The following CLCNKB variants were observed in gnomAD, a reference collection of about 807,000 sequenced individuals.
CLCNKB encodes chloride voltage-gated channel Kb, also known as chloride channel protein ClC-Kb.
CLCNKB carries 74 observed loss-of-function variants against 83.8 expected under a neutral mutation model. The observed-to-expected ratio is 0.88, with a 90% confidence interval of 0.73 to 1.07. The LOEUF (loss-of-function observed/expected upper bound fraction) is 1.07. Ranked by LOEUF, CLCNKB falls within the 50% of genes least tolerant of loss-of-function variation. The pLI is 0.00. For missense variants in CLCNKB, 798 were observed against 893.6 expected, an observed-to-expected ratio of 0.89 and a Z score of 1.36; for synonymous variants, 358 against 356.6, an observed-to-expected ratio of 1.00 and a Z score of -0.04.
rs1182244458 is a variant in CLCNKB at position 16,053,750 on chromosome 1, G to C, written c.1734G>C (p.Lys578Asn). ...VKVVTSTDVAKYPLVESTESQ... is the reference protein window; with the variant it reads ...VKVVTSTDVANYPLVESTESQ... ...TTGTGACCTCCACAGACGTGGCCAA[G>C]TATCCCCTGGTGGAGAGCACAGGTG... Residue 578 changes from lysine to asparagine, a missense_variant, in exon 16 of 20, where the codon AAG (lysine) becomes AAC (asparagine). By Grantham distance (94) the Lys-to-Asn change is moderately conservative. Coordinates refer to ENST00000375679, the MANE Select transcript of CLCNKB (RefSeq NM_000085.5). 6.2e-7 allele frequency: 1 copy of C among 1,613,770 alleles called. No homozygotes were observed. The highest frequency in any genetic ancestry group is 2.2e-5 in the East Asian group (1 of 44,880).
In CLCNKB at chr1:16,049,135, T is replaced by C; in HGVS notation, c.671T>C (p.Ile224Thr). 1 of 1,613,538 alleles carries C rather than the reference T, an allele frequency of 6.2e-7. No homozygotes were observed. Reference protein sequence around the residue: ...AAPFSGVLFSIEVMSSHFSVW... With the variant: ...AAPFSGVLFSTEVMSSHFSVW... ...TCGCCCCCAGGCGTCCTGTTCAGCA[T>C]CGAGGTCATGTCTTCCCACTTCTCT... Residue 224 changes from isoleucine to threonine, a missense_variant, in exon 8 of 20, where the codon ATC becomes ACC. Ile to Thr is a moderately conservative substitution (Grantham distance 89). Transcript: ENST00000375679.
chr1:16,049,465 G>A (rs1348405934), intron 8 of CLCNKB, among the ~76,000 whole-genome samples, 153 bp from the exon 9 acceptor site: 2 of 152,160 alleles, frequency 1.3e-5, no homozygotes, highest in South Asian at 2.1e-4. Context: ...GCTGGGCAGG[G>A]AGGCAGGAGC....
At chr1:16,046,699 C>T (rs1275000402) in intron 4 of CLCNKB, 36 bp downstream of exon 4, 3 of 1,537,364 alleles carry the variant, frequency 2.0e-6, no homozygotes. Flanking sequence ...CCCCACTGGC[C>T]AAAACCTTCT....
At position 16,050,887 on chromosome 1, in the gene CLCNKB, C is replaced by T; in HGVS notation, c.1066C>T (p.Gln356Ter). 1.2e-6 allele frequency: 2 copies of T among 1,612,114 alleles called. No homozygotes were observed. The highest frequency in any genetic ancestry group is 1.1e-5 in the South Asian group (1 of 91,008). ...RFLASRLSMK[Q>*]HLDSLFDNHS... ...TGCCCCGCCACAGCTGTCCATGAAG[C>T]AGCATCTGGACTCGCTGTTCGACAA... The change falls in exon 12 of 20, where the codon CAG becomes TAG. Residue 356 changes from glutamine (Q) to a stop codon, truncating the protein, a stop_gained. Coordinates refer to ENST00000375679, the MANE Select transcript of CLCNKB (RefSeq NM_000085.5). LOFTEE classifies it high-confidence loss of function.
At chr1:16,049,777 G>T in intron 9 of CLCNKB, 38 bp from the exon 10 acceptor site, 1 of 1,613,632 alleles carries the variant, frequency 6.2e-7, no homozygotes, top group Non-Finnish European at 8.5e-7. Context: ...CCCTGGTACT[G>T]GGGTCGGGCT....
intron 16 of CLCNKB, among the ~76,000 whole-genome samples, chr1:16,054,943 A>T (rs1478925194): frequency 3.3e-5 from 5 of 152,148 alleles, no homozygotes; most frequent in Non-Finnish European, 7.4e-5. Flanking sequence ...TCAAAACTAA[A>T]TATCCGACAA....
intron 18 of CLCNKB, among the ~76,000 whole-genome samples, chr1:16,056,081 C>T (rs1160654828): frequency 6.6e-6 from 1 of 152,212 alleles, no homozygotes; most frequent in Non-Finnish European, 1.5e-5. Flanking sequence ...CGCATTCTCC[C>T]TGTGTGATCT....
Position 16,048,759 on chromosome 1 carries a change from T to A in CLCNKB, c.655+177T>A, listed in dbSNP as rs959795929. On this transcript the variant is annotated intron_variant, in intron 7 of 19. Transcript: ENST00000375679. ...ACCGGGGGGAGGGGGGGCGGGTGAC[T>A]TGATTGGCGGTGCTAAGAGGCTTCA... The A allele has an allele frequency of 2.7e-6, 4 of 1,473,308 alleles. No individual in the cohort carries two copies. In the African/African-American group the frequency reaches 4.3e-5, roughly 16 times the overall value. The allele number at this position is 1,473,308 out of a possible 1,614,324, so 91.3% of individuals were successfully genotyped here.
At chr1:16,054,134 A>G (rs868030385) in intron 16 of CLCNKB, among the ~76,000 whole-genome samples, 2 of 152,170 alleles carry the variant, frequency 1.3e-5, no homozygotes, top group Non-Finnish European at 2.9e-5. Context: ...CCTTGTTGCC[A>G]CAAGGAAAAC....
At chr1:16,048,960 C>T (rs1162246675) in intron 7 of CLCNKB, 160 bp from the exon 8 acceptor site, 8 of 1,517,596 alleles carry the variant, frequency 5.3e-6, no homozygotes, top group Non-Finnish European at 4.4e-6. Context: ...GGCTCCTCCC[C>T]GCCCAGGGCG....
chr1:16,046,445 C>T lies in CLCNKB; in HGVS notation c.230-90C>T, dbSNP rs1362979882. ...CCTGGTCCTCCCCTCTTCGTGACTC[C>T]ATTTCCTGGTCAGTAAGTGGGCACC... On this transcript the variant is annotated intron_variant, in intron 3 of 19. Transcript: ENST00000375679. 44 of 1,575,196 alleles carry T rather than the reference C, an allele frequency of 2.8e-5. No individual in the cohort carries two copies. In the Admixed American group the frequency reaches 3.6e-4, roughly 13 times the overall value.
At chr1:16,056,107 A>G (rs9442196) in intron 18 of CLCNKB, among the ~76,000 whole-genome samples, 111,054 of 152,056 alleles carry the variant, frequency 0.73, 41,293 homozygotes, top group South Asian at 0.84. Flanking sequence ...AAACGACTTA[A>G]CCACTCAGGA....
At chr1:16,045,783 G>GT (rs1333865748) in intron 3 of CLCNKB, 97 bp downstream of exon 3, 1 of 1,259,604 alleles carries the variant, frequency 7.9e-7, no homozygotes, top group East Asian at 2.8e-5. Context: ...GGAGGTTGGG[G>GT]GGGGTGCTCT....
intron 11 of CLCNKB, 81 bp downstream of exon 11, chr1:16,050,681 C>T: frequency 6.6e-7 from 1 of 1,515,792 alleles, no homozygotes; most frequent in Non-Finnish European, 9.1e-7. Context: ...TTAATCCCCC[C>T]AATACCCCAT....
At chr1:16,051,583 G>A in intron 13 of CLCNKB, 36 bp downstream of exon 13, 2 of 1,612,888 alleles carry the variant, frequency 1.2e-6, no homozygotes, top group Non-Finnish European at 1.7e-6. Flanking sequence ...AGAGTTTCGG[G>A]GTTCTTGGGG....
At chr1:16,055,809 A>C in intron 18 of CLCNKB, 51 bp downstream of exon 18, 1 of 1,545,736 alleles carries the variant, frequency 6.5e-7, no homozygotes, top group Non-Finnish European at 8.9e-7. Flanking sequence ...GGGTGGGGGA[A>C]GAGCTGATGA....
intron 15 of CLCNKB, 99 bp downstream of exon 15, chr1:16,052,510 C>A: frequency 1.5e-6 from 2 of 1,319,922 alleles, no homozygotes; most frequent in Non-Finnish European, 2.1e-6. Context: ...CCGTAGCTGA[C>A]CTCGGACATG....
In CLCNKB at chr1:16,052,365, G is replaced by A; in HGVS notation, c.1576G>A (p.Val526Ile). ...QPSFYDGTVI[V>I]KKLPYLPRIL... ...CTCCTTCTATGATGGCACCGTCATT[G>A]TCAAGAAGCTGCCATACCTGCCACG... Residue 526 changes from valine to isoleucine, a missense_variant, in exon 15 of 20, where the codon GTC (valine) becomes ATC (isoleucine). Physicochemically the swap from Val to Ile is conservative, Grantham distance 29 (BLOSUM62 3). Coordinates refer to ENST00000375679, the MANE Select transcript of CLCNKB (RefSeq NM_000085.5). 1 of 1,613,224 alleles carries A rather than the reference G, an allele frequency of 6.2e-7. No homozygotes were observed. Among genetic ancestry groups the A allele is most frequent in the Non-Finnish European group, 8.5e-7 (1 of 1,180,036 alleles).
At chr1:16,051,172 C>T (rs1350399820) in intron 12 of CLCNKB, 124 bp downstream of exon 12, 1 of 1,430,934 alleles carries the variant, frequency 7.0e-7, no homozygotes, top group Non-Finnish European at 9.7e-7. Flanking sequence ...GATGTGCCCC[C>T]TGCCCATTGC....
Sources: allele counts gnomAD v4.1 joint callset (sites outside exome capture counted in the v4.1 genomes callset), GRCh38; gene constraint gnomAD v4.1.1; transcripts MANE v1.5; gene names NCBI Gene and HGNC (gene_info 2026-07-23, HGNC 2026-07-21).